The following CNBD2 variants were observed in gnomAD, a reference collection of about 807,000 sequenced individuals.
CNBD2 encodes the protein cyclic nucleotide binding domain containing 2.
CNBD2 carries 64 observed loss-of-function variants against 63.7 expected under a neutral mutation model. The ratio of observed to expected loss-of-function variants is 1.00; its 90% confidence interval spans 0.82 to 1.24. CNBD2 has a LOEUF of 1.24. Ranked by LOEUF, CNBD2 falls within the 50% of genes most tolerant of loss-of-function variation. The probability of loss-of-function intolerance (pLI) is 0.00; values close to 1 mark genes in which losing one functional copy is unlikely to be tolerated. For synonymous variants in CNBD2, 229 were observed against 255.4 expected (o/e 0.90, Z 0.99); for missense variants, 691 against 713.5 (o/e 0.97, Z 0.36).
intron 8 of CNBD2, among the ~76,000 whole-genome samples, chr20:35,996,509 T>C (rs1247364426): frequency 1.5e-5 from 2 of 130,722 alleles, no homozygotes; most frequent in African/African-American, 6.9e-5. Flanking sequence ...TCTCTTTTTG[T>C]TTTTTTTTTT....
At chr20:36,003,905 A>G (rs933008687) in intron 8 of CNBD2, among the ~76,000 whole-genome samples, 1 of 151,676 alleles carries the variant, frequency 6.6e-6, no homozygotes, top group Non-Finnish European at 1.5e-5. Flanking sequence ...TGAGGTTGCC[A>G]TTGTCAGCCA....
At chr20:35,976,083 A>G in intron 3 of CNBD2, 81 bp downstream of exon 3, 1 of 1,313,654 alleles carries the variant, frequency 7.6e-7, no homozygotes, top group African/African-American at 1.5e-5. Context: ...GGGTATCAGC[A>G]GAGCTGGTTT....
chr20:35,987,899 G>A (rs916418727), intron 7 of CNBD2, among the ~76,000 whole-genome samples: 2 of 151,888 alleles, frequency 1.3e-5, no homozygotes, highest in African/African-American at 4.8e-5. Flanking sequence ...CAAGAGTCTC[G>A]CTGTTGTCAG....
intron 2 of CNBD2, among the ~76,000 whole-genome samples, chr20:35,960,513 TTTTG>T (rs934539948): frequency 1.7e-4 from 26 of 152,192 alleles, no homozygotes; most frequent in Non-Finnish European, 2.1e-4. Context: ...CTAATTGTTT[TTTTG>T]TTTGTTTGTT....
intron 2 of CNBD2, chr20:35,974,944 G>C (rs1406768245): frequency 6.6e-6 from 1 of 152,090 alleles, no homozygotes; most frequent in Admixed American, 6.5e-5. Flanking sequence ...GCTCATTAAA[G>C]ACATTTAACA....
intron 1 of CNBD2, 70 bp downstream of exon 1, chr20:35,968,883 G>A (rs1164769010): frequency 4.8e-6 from 6 of 1,237,750 alleles, no homozygotes; most frequent in East Asian, 4.8e-5. Flanking sequence ...GAGGAAGGTC[G>A]ATGCAGGTGT....
intron 10 of CNBD2, among the ~76,000 whole-genome samples, chr20:36,016,960 G>T (rs917756889): frequency 4.0e-5 from 6 of 151,560 alleles, no homozygotes; most frequent in African/African-American, 1.5e-4. Flanking sequence ...TTGGGAGGGT[G>T]GGGTGGGAGG....
intron 2 of CNBD2, among the ~76,000 whole-genome samples, chr20:35,962,559 C>A (rs1024597064): frequency 2.6e-5 from 4 of 152,020 alleles, no homozygotes; most frequent in Non-Finnish European, 5.9e-5. Context: ...CGCGCCCGGC[C>A]CCCTGCAGTC....
upstream of CNBD2, among the ~76,000 whole-genome samples, chr20:35,966,061 ATC>A (rs1431055914): frequency 2.0e-5 from 3 of 151,912 alleles, no homozygotes; most frequent in African/African-American, 7.3e-5. Context: ...ATCTCCTACC[ATC>A]TCTCTTGCTT....
At chr20:36,030,293 C>A in intron 11 of CNBD2, 64 bp from the exon 12 acceptor site, 3 of 1,514,702 alleles carry the variant, frequency 2.0e-6, no homozygotes, top group Non-Finnish European at 2.7e-6. Context: ...GGGAGAGTGG[C>A]AGGAGGCAAG....
At chr20:36,012,692 G>A (rs2057078444) in intron 10 of CNBD2, among the ~76,000 whole-genome samples, 2 of 150,316 alleles carry the variant, frequency 1.3e-5, no homozygotes, top group Admixed American at 6.6e-5. Context: ...AGGCATGGTG[G>A]ACACCTGTAA....
chr20:35,989,866 GGAGAGA>G (rs35862163), intron 7 of CNBD2, among the ~76,000 whole-genome samples: 26 of 121,724 alleles, frequency 2.1e-4, no homozygotes, highest in African/African-American at 8.3e-4. Context: ...GATGAGAGAG[GGAGAGA>G]GAGAGAGAGA....
chr20:35,999,678 T>TC (rs1491440862), intron 8 of CNBD2, among the ~76,000 whole-genome samples: 2 of 143,328 alleles, frequency 1.4e-5, no homozygotes, highest in Non-Finnish European at 3.0e-5. Context: ...ACAAGTATCT[T>TC]CTTTTTTTTT....
chr20:35,971,538 C>A (rs1487094944), intron 1 of CNBD2, among the ~76,000 whole-genome samples: 2 of 152,156 alleles, frequency 1.3e-5, no homozygotes, highest in Non-Finnish European at 2.9e-5. Flanking sequence ...GCCTCAGCCT[C>A]CCGAGTAGCT....
Position 35,998,044 on chromosome 20 carries a change from T to TTC in CNBD2, c.970+2893_970+2894insCT, listed in dbSNP as rs563706159. 7.6e-3 allele frequency among the ~76,000 whole-genome samples: 1,105 copies of TTC among 145,902 alleles called. 5 individuals carry two copies. The highest frequency in any genetic ancestry group is 0.011 in the Non-Finnish European group (758 of 66,072). The stretch of plus-strand genomic sequence containing the variant: ...ACTGATTTCTTTTTTCTTTTTCTTT[T>TTC]TTTTTTTTTTTTTTTGAGAGGGAGT... On this transcript the variant is annotated intron_variant, in intron 8 of 11. Transcript: ENST00000373973.
chr20:36,028,888 C>G (rs1188980925), intron 11 of CNBD2, among the ~76,000 whole-genome samples: 1 of 152,106 alleles, frequency 6.6e-6, no homozygotes, highest in Non-Finnish European at 1.5e-5. Flanking sequence ...CTTGGCCAGG[C>G]TAGTCTCAAA....
Position 36,011,135 on chromosome 20 carries a change from A to G in CNBD2, c.1149-2A>G. The G allele has an allele frequency of 6.5e-7, 1 of 1,537,412 alleles. No homozygotes were observed. Among genetic ancestry groups the G allele is most frequent in the East Asian group, 2.4e-5 (1 of 40,900 alleles). ...GCTCTCTAACAAGCTGTCACATTTC[A>G]GATCCAGGCCTGCTCAGTCGATCAA... is the stretch of plus-strand genomic sequence containing the variant. On this transcript the variant is annotated splice_acceptor_variant, in intron 9 of 11. Transcript: ENST00000373973. LOFTEE classifies it high-confidence loss of function.
chr20:35,995,199 C>A (rs781308687), intron 8 of CNBD2, 47 bp downstream of exon 8: 11 of 1,322,386 alleles, frequency 8.3e-6, no homozygotes, highest in Non-Finnish European at 1.1e-5. Context: ...CTGGGCCTGT[C>A]CTGTTTCCAG....
chr20:35,986,971 G>A (rs1026854765), intron 6 of CNBD2, among the ~76,000 whole-genome samples: 6 of 152,222 alleles, frequency 3.9e-5, no homozygotes, highest in Non-Finnish European at 5.9e-5. Context: ...GGTTGGATGA[G>A]CTGCCCAAAG....
Sources: allele counts gnomAD v4.1 joint callset (sites outside exome capture counted in the v4.1 genomes callset), GRCh38; gene constraint gnomAD v4.1.1; transcripts MANE v1.5; gene names NCBI Gene and HGNC (gene_info 2026-07-23, HGNC 2026-07-21).